Variants in YTHDF2 observed in about 807,000 individuals in gnomAD.
YTHDF2 encodes YTH domain-containing family protein 2.
Under a neutral mutation model 50.4 loss-of-function variants are expected in YTHDF2, and 2 were observed. That is an observed-to-expected ratio of 0.04 (90% CI 0.02 to 0.12). The LOEUF (loss-of-function observed/expected upper bound fraction) is 0.12, where lower values mean the gene tolerates loss of function less well. Among genes scored for constraint, YTHDF2 ranks in the 10% least tolerant of loss-of-function variants. The pLI, the probability that YTHDF2 is intolerant of heterozygous loss-of-function variation, is 1.00. For synonymous variants in YTHDF2, 217 were observed against 255.6 expected, an observed-to-expected ratio of 0.85 and a Z score of 1.44; for missense variants, 483 against 722.6, an observed-to-expected ratio of 0.67 and a Z score of 3.80.
At chr1:28,738,380 T>C in intron 3 of YTHDF2, 42 bp downstream of exon 3, 1 of 1,480,636 alleles carries the variant, frequency 6.8e-7, no homozygotes, top group Non-Finnish European at 9.4e-7. Flanking sequence ...AAGGGTGTGG[T>C]ATATTCTTTC....
At chr1:28,761,802 A>G (rs1433980818) in intron 4 of YTHDF2, among the ~76,000 whole-genome samples, 1 of 152,176 alleles carries the variant, frequency 6.6e-6, no homozygotes, top group Non-Finnish European at 1.5e-5. Flanking sequence ...CCAGCCTCCC[A>G]AAGTGCTGGG....
chr1:28,766,266 TG>T (rs1394820923), intron 4 of YTHDF2, among the ~76,000 whole-genome samples: 5 of 25,492 alleles, frequency 2.0e-4, no homozygotes, highest in African/African-American at 1.9e-3. Context: ...TAATTTTGTG[TG>T]TGTGTATGTG....
intron 4 of YTHDF2, among the ~76,000 whole-genome samples, chr1:28,756,390 C>T (rs2088036200): frequency 6.6e-6 from 1 of 152,146 alleles, no homozygotes; most frequent in African/African-American, 2.4e-5. Flanking sequence ...CCAAGAATCA[C>T]TCAAGTATGA....
chr1:28,760,579 C>T (rs1410350855), intron 4 of YTHDF2, among the ~76,000 whole-genome samples: 8 of 151,704 alleles, frequency 5.3e-5, no homozygotes, highest in Admixed American at 2.0e-4. Context: ...TGAGCCACCA[C>T]ACCTGGCTTT....
At chr1:28,747,847 C>T (rs770584134) in intron 4 of YTHDF2, among the ~76,000 whole-genome samples, 28 of 150,576 alleles carry the variant, frequency 1.9e-4, no homozygotes, top group Non-Finnish European at 3.4e-4. Flanking sequence ...TGGCACTGGC[C>T]GGGCGCGGTG....
chr1:28,737,077 G>C lies in YTHDF2; in HGVS notation c.-44G>C, dbSNP rs763609519. On this transcript the variant is annotated 5_prime_UTR_variant, in exon 1 of 5. Coordinates refer to ENST00000373812, the MANE Select transcript of YTHDF2 (RefSeq NM_016258.3). ...GCTCATCTGCCGCCGCCGCCGCGCTGAGGAGAGTTCGCCGCCGTCGCCGCC... is the reference window on the plus strand; with the variant it reads ...GCTCATCTGCCGCCGCCGCCGCGCTCAGGAGAGTTCGCCGCCGTCGCCGCC... The C allele has an allele frequency of 1.3e-6, 2 of 1,577,046 alleles. No homozygotes were observed. The highest frequency in any genetic ancestry group is 1.7e-6 in the Non-Finnish European group (2 of 1,163,420).
rs374492880 is a variant in YTHDF2, at chr1:28,742,678, T to C, written c.408T>C (p.Asn136=). Residue 136 remains asparagine, a synonymous_variant, in exon 4 of 5, where the codon AAT becomes AAC. Coordinates refer to ENST00000373812, the MANE Select transcript of YTHDF2 (RefSeq NM_016258.3). ...PSGIDFSAWG[N]NSSQGQSTQS... is the part of the protein sequence containing the mutation. ...GGATTGACTTCTCAGCATGGGGAAATAACAGTTCTCAGGGACAGTCTACTC... is the reference window on the plus strand; with the variant it reads ...GGATTGACTTCTCAGCATGGGGAAACAACAGTTCTCAGGGACAGTCTACTC... 7.1e-5 allele frequency: 114 copies of C among 1,614,042 alleles called. No individual in the cohort carries two copies. The highest frequency in any genetic ancestry group is 9.2e-5 in the Non-Finnish European group (108 of 1,180,034).
At chr1:28,763,146 CAT>C (rs1290081792) in intron 4 of YTHDF2, among the ~76,000 whole-genome samples, 2 of 152,014 alleles carry the variant, frequency 1.3e-5, no homozygotes, top group African/African-American at 2.4e-5. Context: ...ATTTTGTAAT[CAT>C]AGATTTAAAG....
intron 4 of YTHDF2, among the ~76,000 whole-genome samples, chr1:28,763,161 AGGAGGGCCTAAGGTGGAT>A (rs1447215961): frequency 6.6e-6 from 1 of 152,172 alleles, no homozygotes; most frequent in Non-Finnish European, 1.5e-5. Flanking sequence ...ATTTAAAGTG[AGGAGGGCCTAAGGTGGAT>A]GGGTGGATAG....
At chr1:28,747,553 CTTT>C in intron 4 of YTHDF2, among the ~76,000 whole-genome samples, 1 of 131,972 alleles carries the variant, frequency 7.6e-6, no homozygotes, top group East Asian at 2.2e-4. Flanking sequence ...TCCATAAAGA[CTTT>C]TTTTTTTTTT....
At chr1:28,744,660 T>C (rs957620079) in intron 4 of YTHDF2, among the ~76,000 whole-genome samples, 2 of 152,146 alleles carry the variant, frequency 1.3e-5, no homozygotes, top group Non-Finnish European at 2.9e-5. Context: ...GATAATGATA[T>C]ATTATCTGGG....
intron 3 of YTHDF2, among the ~76,000 whole-genome samples, chr1:28,740,897 G>C (rs1363676981): frequency 3.3e-5 from 5 of 151,686 alleles, no homozygotes; most frequent in African/African-American, 1.2e-4. Flanking sequence ...TAGAGACGGG[G>C]TTTTAACTGT....
rs752575567 is a variant in YTHDF2 at position 28,743,503 on chromosome 1, G to T, written c.1233G>T (p.Arg411=). ...TTGACTGGAATCTGAAACATGGCCG[G>T]GTTTTCATCATTAAGAGCTACTCTG... The part of the protein sequence containing the change: ...KDFDWNLKHG[R]VFIIKSYSED... Residue 411 remains arginine (R), a synonymous_variant, in exon 4 of 5, where the codon CGG becomes CGT. Transcript: ENST00000373812. This position sits in a 1 kb window ranked among gnomAD's most constrained non-coding sequence, Gnocchi z 6.9. 10 of 1,614,102 alleles carry T rather than the reference G, an allele frequency of 6.2e-6. No individual in the cohort carries two copies. Among genetic ancestry groups the T allele is most frequent in the Non-Finnish European group, 8.5e-6 (10 of 1,180,022 alleles).
At chr1:28,762,182 G>A (rs980817730) in intron 4 of YTHDF2, among the ~76,000 whole-genome samples, 1 of 152,130 alleles carries the variant, frequency 6.6e-6, no homozygotes, top group African/African-American at 2.4e-5. Context: ...CACGAGGTCA[G>A]GAGATCGAGA....
intron 4 of YTHDF2, among the ~76,000 whole-genome samples, chr1:28,767,312 T>A (rs1393002949): frequency 6.6e-6 from 1 of 152,164 alleles, no homozygotes; most frequent in East Asian, 1.9e-4. Flanking sequence ...TTTGAATTTT[T>A]TCTTGACTAT....
intron 4 of YTHDF2, among the ~76,000 whole-genome samples, chr1:28,746,943 G>A (rs531066053): frequency 2.6e-5 from 4 of 151,974 alleles, no homozygotes; most frequent in East Asian, 1.9e-4. Flanking sequence ...TTAGCTGGGC[G>A]TGATGGTGCA....
chr1:28,740,727 A>G (rs2087762737), intron 3 of YTHDF2, among the ~76,000 whole-genome samples: 2 of 152,158 alleles, frequency 1.3e-5, no homozygotes, highest in African/African-American at 2.4e-5. Flanking sequence ...TTTTTGAGAT[A>G]GAGTCTCACT....
chr1:28,740,228 C>T (rs1242826041), intron 3 of YTHDF2: 1 of 152,160 alleles, frequency 6.6e-6, no homozygotes, highest in Non-Finnish European at 1.5e-5. Flanking sequence ...ATCATTATAA[C>T]AGGGAGAGTT....
At chr1:28,752,308 G>GTTGTTGTTT in intron 4 of YTHDF2, among the ~76,000 whole-genome samples, 1 of 152,010 alleles carries the variant, frequency 6.6e-6, no homozygotes, top group Non-Finnish European at 1.5e-5. Context: ...TGTTGTTGTT[G>GTTGTTGTTT]TTGTTTTTGA....
Sources: gnomAD v4.1 joint callset for allele counts (sites outside exome capture counted in the v4.1 genomes callset) on GRCh38, gnomAD v4.1.1 for gene constraint, Gnocchi (gnomAD v3.1) non-coding constraint, MANE v1.5 for transcripts, NCBI Gene and HGNC (gene_info 2026-07-23, HGNC 2026-07-21) for gene names.